SATB2: variants seen among roughly 807,000 people sequenced by gnomAD.
The protein encoded by SATB2 is SATB homeobox 2.
SATB2 carries 1 observed loss-of-function variant against 73.4 expected under a neutral mutation model. The observed-to-expected ratio is 0.01, with a 90% CI of 0.00 to 0.06. The LOEUF (loss-of-function observed/expected upper bound fraction) is 0.06. Ranked by LOEUF, SATB2 falls within the 10% of genes least tolerant of loss-of-function variation. The pLI is 1.00. For synonymous variants in SATB2, 397 were observed against 367.0 expected, an observed-to-expected ratio of 1.08 and a Z score of -0.93; for missense variants, 459 against 945.8, an observed-to-expected ratio of 0.49 and a Z score of 6.75.
At chr2:199,423,704 AT>A (rs1691241219) in intron 3 of SATB2, 1 of 152,134 alleles carries the variant, frequency 6.6e-6, no homozygotes, top group Non-Finnish European at 1.5e-5. Context: ...TGGAGCATAG[AT>A]TCTCAAGAAG....
chr2:199,290,393 A>G (rs1018987495), intron 10 of SATB2, among the ~76,000 whole-genome samples: 6 of 152,206 alleles, frequency 3.9e-5, no homozygotes, highest in African/African-American at 1.4e-4. Flanking sequence ...ACTTAGCACA[A>G]TGTCAAGGCA....
chr2:199,317,610 T>C (rs568836698), intron 9 of SATB2, among the ~76,000 whole-genome samples: 10 of 152,192 alleles, frequency 6.6e-5, no homozygotes, highest in Admixed American at 6.5e-4. Context: ...TCATTATTAT[T>C]GATTGTCTAA....
rs568074894 is a variant in SATB2 at position 199,413,452 on chromosome 2, G to A, written c.346+19886C>T. ...CTGAATCTAATCAGGACTCCTTGCT[G>A]GCACTGTTAGCTTTCTGCCCCTCTG... On this transcript the variant is annotated intron_variant, in intron 3 of 10. Transcript: ENST00000417098. 2.6e-5 allele frequency among the ~76,000 whole-genome samples: 4 copies of A among 152,188 alleles called. No homozygotes were observed. The South Asian group carries it at 8.3e-4, about 32-fold the overall frequency.
In SATB2 at chr2:199,439,027, C is replaced by CT. The variant is rs763674811; in HGVS notation, c.170-5514dup. On this transcript the variant is annotated intron_variant, in intron 2 of 10. Coordinates refer to ENST00000417098, the MANE Select transcript of SATB2 (RefSeq NM_001172509.2). Reference sequence around the variant, plus strand: ...GCTTGGCCTCTTAATAAAAAGGACCCTTTACCACTTGCTATGTCCAATGGG... The same window carrying CT: ...GCTTGGCCTCTTAATAAAAAGGACCCTTTTACCACTTGCTATGTCCAATGGG... Among the ~76,000 whole-genome samples the CT allele has an allele frequency of 1.1e-4, 17 of 152,336 alleles. No individual in the cohort carries two copies. In the East Asian group the frequency reaches 3.3e-3, roughly 29 times the overall value.
intron 5 of SATB2, among the ~76,000 whole-genome samples, chr2:199,372,310 T>G (rs956676297): frequency 1.3e-5 from 2 of 152,220 alleles, no homozygotes; most frequent in Non-Finnish European, 2.9e-5. Flanking sequence ...GAATTTTCTT[T>G]ACTTATTCCA....
upstream of SATB2, among the ~76,000 whole-genome samples, chr2:199,459,179 A>T (rs1168522794): frequency 6.6e-6 from 1 of 151,950 alleles, no homozygotes; most frequent in Non-Finnish European, 1.5e-5. This position sits in a 1 kb window ranked among gnomAD's most constrained non-coding sequence, Gnocchi z 4.2. Flanking sequence ...TGGGGACCCC[A>T]AGCTGCTCGA....
At chr2:199,361,206 A>T (rs1689127129) in intron 6 of SATB2, among the ~76,000 whole-genome samples, 1 of 152,080 alleles carries the variant, frequency 6.6e-6, no homozygotes, top group Non-Finnish European at 1.5e-5. Context: ...CAAAATTCTC[A>T]CTGAGGTATC....
At chr2:199,280,318 G>A (rs1011821607) in intron 10 of SATB2, among the ~76,000 whole-genome samples, 2 of 152,068 alleles carry the variant, frequency 1.3e-5, no homozygotes, top group African/African-American at 4.8e-5. Context: ...TGTCGCCTCA[G>A]GACCCTGTGA....
At chr2:199,336,866 G>A (rs1286755924) in intron 7 of SATB2, among the ~76,000 whole-genome samples, 1 of 152,088 alleles carries the variant, frequency 6.6e-6, no homozygotes, top group African/African-American at 2.4e-5. Flanking sequence ...GGCTCTAACT[G>A]GACAAGTATC....
chr2:199,431,817 T>C (rs751867467), intron 3 of SATB2, among the ~76,000 whole-genome samples: 19 of 152,138 alleles, frequency 1.2e-4, no homozygotes, highest in Non-Finnish European at 2.6e-4. Context: ...CTGAGATGGA[T>C]GGCCCTGTCA....
At chr2:199,388,060 A>G (rs1345633733) in intron 3 of SATB2, among the ~76,000 whole-genome samples, 2 of 152,166 alleles carry the variant, frequency 1.3e-5, no homozygotes, top group African/African-American at 4.8e-5. Flanking sequence ...AAAACAAAAG[A>G]GTGGTGATAA....
rs184854060 is a variant in SATB2 at position 199,286,404 on chromosome 2, G to A, written c.1741-13732C>T. ...AAACAGATTTATTTGATCATCTAGG[G>A]CTAACATGACCAAAACCATTCCACA... On this transcript the variant is annotated intron_variant, in intron 10 of 10. Transcript: ENST00000417098. 2.1e-3 allele frequency among the ~76,000 whole-genome samples: 318 copies of A among 152,144 alleles called. 1 individual carries two copies. The highest frequency in any genetic ancestry group is 5.3e-3 in the African/African-American group (221 of 41,512).
intron 2 of SATB2, among the ~76,000 whole-genome samples, chr2:199,437,785 C>A (rs1691695457): frequency 6.6e-6 from 1 of 151,892 alleles, no homozygotes; most frequent in South Asian, 2.1e-4. Context: ...GTATTAATAC[C>A]ATTTTACAGA....
At chr2:199,378,374 T>C (rs1390260421) in intron 5 of SATB2, among the ~76,000 whole-genome samples, 1 of 152,218 alleles carries the variant, frequency 6.6e-6, no homozygotes, top group Non-Finnish European at 1.5e-5. Flanking sequence ...ATTGTGAAAT[T>C]TGGGAAAAAT....
intron 3 of SATB2, among the ~76,000 whole-genome samples, chr2:199,422,507 A>G (rs1029148593): frequency 6.6e-6 from 1 of 152,180 alleles, no homozygotes; most frequent in Non-Finnish European, 1.5e-5. Flanking sequence ...TTTAAAATAC[A>G]TATCTTCATT....
intron 10 of SATB2, among the ~76,000 whole-genome samples, chr2:199,294,418 C>T (rs1390189184): frequency 6.6e-6 from 1 of 152,182 alleles, no homozygotes. Flanking sequence ...GACAGACCAT[C>T]CTGATGCATT....
intron 6 of SATB2, among the ~76,000 whole-genome samples, chr2:199,355,320 ATGTATG>A (rs766911001): frequency 3.8e-4 from 44 of 114,722 alleles, no homozygotes; most frequent in African/African-American, 4.6e-4. Flanking sequence ...GTATATACAT[ATGTATG>A]TGTGTGTGTG....
chr2:199,392,069 T>C (rs1690159361), intron 3 of SATB2, among the ~76,000 whole-genome samples: 1 of 152,132 alleles, frequency 6.6e-6, no homozygotes, highest in Non-Finnish European at 1.5e-5. Flanking sequence ...TGTAGAGCAG[T>C]CACGGGCCTC....
chr2:199,303,623 G>A (rs1420128084), intron 10 of SATB2, among the ~76,000 whole-genome samples: 1 of 152,144 alleles, frequency 6.6e-6, no homozygotes, highest in African/African-American at 2.4e-5. Flanking sequence ...CTATCCACTA[G>A]ATGCCAGTAG....
Sources: allele counts gnomAD v4.1 joint callset (sites outside exome capture counted in the v4.1 genomes callset), GRCh38; gene constraint gnomAD v4.1.1; non-coding constraint Gnocchi (gnomAD v3.1); transcripts MANE v1.5; gene names NCBI Gene and HGNC (gene_info 2026-07-23, HGNC 2026-07-21).